The following ARHGAP12 variants were observed in gnomAD, a reference collection of about 807,000 sequenced individuals.
ARHGAP12 encodes rho GTPase-activating protein 12.
Under a neutral mutation model 108.6 loss-of-function variants are expected in ARHGAP12, and 64 were observed. The ratio of observed to expected loss-of-function variants is 0.59; its 90% CI spans 0.48 to 0.73. ARHGAP12 has a LOEUF of 0.73. ARHGAP12 is among the 30% of genes least tolerant of loss of function. ARHGAP12 has a pLI of 0.00. For missense variants in ARHGAP12, 940 were observed against 1,005.9 expected (o/e 0.93, Z 0.89); for synonymous variants, 312 against 337.2 (o/e 0.93, Z 0.82).
At position 31,835,376 on chromosome 10, in the gene ARHGAP12, T is replaced by C. The variant is rs543792491; in HGVS notation, c.1387-3576A>G. Among the ~76,000 whole-genome samples the C allele has an allele frequency of 1.2e-4, 18 of 152,224 alleles. 1 individual carries two copies. In the South Asian group the frequency reaches 3.5e-3, roughly 30 times the overall value. On this transcript the variant is annotated intron_variant, in intron 9 of 19. Transcript: ENST00000344936. ...ATATATACAAACTTATACATGAATA[T>C]TTGTTGGTCTAAGTATTTGATACTC...
chr10:31,811,510 T>G (rs1835014697), intron 15 of ARHGAP12, among the ~76,000 whole-genome samples: 1 of 150,330 alleles, frequency 6.7e-6, no homozygotes, highest in Non-Finnish European at 1.5e-5. Context: ...GTGAACAAAT[T>G]AGCAACAGTT....
intron 11 of ARHGAP12, among the ~76,000 whole-genome samples, chr10:31,822,750 A>G (rs1210712515): frequency 1.3e-5 from 2 of 152,072 alleles, no homozygotes; most frequent in African/African-American, 2.4e-5. Flanking sequence ...TGTTGGGAGT[A>G]GCCCTACCAT....
intron 11 of ARHGAP12, 81 bp from the exon 12 acceptor site, chr10:31,820,569 T>C: frequency 1.5e-6 from 1 of 688,072 alleles, no homozygotes; most frequent in Non-Finnish European, 2.2e-6. Flanking sequence ...AACAATTTTA[T>C]ATTAACAATA....
Position 31,915,154 on chromosome 10 carries a change from G to C in ARHGAP12, c.-110-4591C>G, listed in dbSNP as rs192419252. Among the ~76,000 whole-genome samples, 334 of 152,244 alleles carry C rather than the reference G, an allele frequency of 2.2e-3. 2 individuals are homozygous for C. Among genetic ancestry groups the C allele is most frequent in the Middle Eastern group, 6.8e-3 (2 of 294 alleles). On this transcript the variant is annotated intron_variant, in intron 1 of 19. Transcript: ENST00000344936. ...GTAATCCCAGCACTTTGGGAGACCG[G>C]GGCGTGCAGATCACCTGAGGTCGGG...
chr10:31,893,365 C>G (rs1838538739), intron 3 of ARHGAP12, among the ~76,000 whole-genome samples: 2 of 151,786 alleles, frequency 1.3e-5, no homozygotes, highest in Admixed American at 6.6e-5. Flanking sequence ...TAATGAAGAA[C>G]AAAAGAGAGA....
intron 6 of ARHGAP12, among the ~76,000 whole-genome samples, chr10:31,849,034 G>A (rs889954973): frequency 2.0e-5 from 3 of 151,898 alleles, no homozygotes; most frequent in Non-Finnish European, 4.4e-5. Flanking sequence ...CTCCAGCCTG[G>A]GCGACAGAGC....
intron 1 of ARHGAP12, among the ~76,000 whole-genome samples, chr10:31,921,032 T>C (rs917119838): frequency 6.6e-6 from 1 of 152,162 alleles, no homozygotes; most frequent in Admixed American, 6.5e-5. Context: ...ATCCCAGCTC[T>C]TTGGGAGTCG....
At chr10:31,867,010 G>C (rs1046078428) in intron 3 of ARHGAP12, among the ~76,000 whole-genome samples, 8 of 152,178 alleles carry the variant, frequency 5.3e-5, no homozygotes, top group Non-Finnish European at 8.8e-5. Flanking sequence ...TTGAAATCTA[G>C]AGACTTAACA....
At chr10:31,829,755 G>A (rs1009128680) in intron 10 of ARHGAP12, among the ~76,000 whole-genome samples, 1 of 152,214 alleles carries the variant, frequency 6.6e-6, no homozygotes, top group Non-Finnish European at 1.5e-5. Flanking sequence ...ATGTAACTGA[G>A]TATGAACCGT....
rs192056512 is a variant in ARHGAP12, at chr10:31,878,706, A to G, written c.685-17048T>C. On this transcript the variant is annotated intron_variant, in intron 3 of 19. Coordinates refer to ENST00000344936, the MANE Select transcript of ARHGAP12 (RefSeq NM_018287.7). The stretch of plus-strand genomic sequence containing the variant: ...ATGCTCCTCTGTTTCCATATTGGCT[A>G]TGCACTTAGGTTCTCATGCTACAAT... Among the ~76,000 whole-genome samples, 51 of 152,304 alleles carry G rather than the reference A, an allele frequency of 3.3e-4. 1 individual carries two copies. The East Asian group carries it at 7.7e-3, about 23-fold the overall frequency.
chr10:31,921,868 C>G (rs1839829960), intron 1 of ARHGAP12, among the ~76,000 whole-genome samples: 1 of 146,304 alleles, frequency 6.8e-6, no homozygotes, highest in African/African-American at 2.5e-5. Flanking sequence ...AGAGAAAAAT[C>G]AATGAAACCA....
At chr10:31,902,928 G>T (rs970071057) in intron 3 of ARHGAP12, among the ~76,000 whole-genome samples, 8 of 151,966 alleles carry the variant, frequency 5.3e-5, no homozygotes, top group Non-Finnish European at 1.0e-4. Flanking sequence ...AATGTGAGTG[G>T]GCCTCATCCA....
At chr10:31,903,664 G>C (rs1298789336) in intron 3 of ARHGAP12, among the ~76,000 whole-genome samples, 1 of 151,998 alleles carries the variant, frequency 6.6e-6, no homozygotes, top group Non-Finnish European at 1.5e-5. Context: ...AGGATGAAAA[G>C]GCAAGCTACA....
At chr10:31,910,078 C>A (rs1839285127) in intron 2 of ARHGAP12, among the ~76,000 whole-genome samples, 1 of 152,104 alleles carries the variant, frequency 6.6e-6, no homozygotes. Flanking sequence ...TCCCCTGGAG[C>A]CTTCCGAGGG....
Position 31,823,476 on chromosome 10 carries a change from C to CAA in ARHGAP12, c.1530+2826_1530+2827dup, listed in dbSNP as rs529281463. On this transcript the variant is annotated intron_variant, in intron 11 of 19. Coordinates refer to ENST00000344936, the MANE Select transcript of ARHGAP12 (RefSeq NM_018287.7). ...TCAATTTTAACCATCCACTCTCTGC[C>CAA]AAAAAAAAAAAAAATCAATACGAAC... Among the ~76,000 whole-genome samples the CAA allele has an allele frequency of 4.0e-4, 51 of 128,102 alleles. 1 individual carries two copies. The highest frequency in any genetic ancestry group is 4.0e-3 in the Middle Eastern group (1 of 248). 84.0% of individuals were successfully genotyped at this position (128,102 alleles called of 152,430 possible).
chr10:31,890,220 T>C (rs1277340421), intron 3 of ARHGAP12, among the ~76,000 whole-genome samples: 1 of 152,118 alleles, frequency 6.6e-6, no homozygotes, highest in African/African-American at 2.4e-5. Context: ...AAAATCTAAA[T>C]CAGTTTCAAC....
At chr10:31,839,243 AT>A in intron 9 of ARHGAP12, 61 bp downstream of exon 9, 14 of 1,507,914 alleles carry the variant, frequency 9.3e-6, no homozygotes, top group African/African-American at 1.4e-5. Context: ...TTGGCAATAT[AT>A]TTTACAGCAT....
At chr10:31,920,207 C>G (rs773346602) in intron 1 of ARHGAP12, among the ~76,000 whole-genome samples, 2 of 151,770 alleles carry the variant, frequency 1.3e-5, no homozygotes, top group Non-Finnish European at 2.9e-5. Flanking sequence ...AATCCCAGCA[C>G]TCTGGGAGGC....
intron 13 of ARHGAP12, among the ~76,000 whole-genome samples, chr10:31,814,878 G>A (rs1835144098): frequency 6.6e-6 from 1 of 152,028 alleles, no homozygotes; most frequent in Non-Finnish European, 1.5e-5. Flanking sequence ...AAGACTTTGG[G>A]AGGCCAAGGC....
Sources: allele counts gnomAD v4.1 joint callset (sites outside exome capture counted in the v4.1 genomes callset), GRCh38; gene constraint gnomAD v4.1.1; transcripts MANE v1.5; gene names NCBI Gene and HGNC (gene_info 2026-07-23, HGNC 2026-07-21).